TPM4: variants seen among roughly 807,000 people sequenced by gnomAD.
TPM4 encodes the protein tropomyosin alpha-4 chain.
A neutral mutation model predicts 35.8 loss-of-function variants in TPM4; 17 were observed. The observed-to-expected ratio is 0.47, with a 90% confidence interval of 0.32 to 0.71. The LOEUF is 0.71. TPM4 is among the 30% of genes least tolerant of loss of function. TPM4 has a pLI of 0.03. For missense variants in TPM4, 240 were observed against 320.9 expected, an observed-to-expected ratio of 0.75 and a Z score of 1.93; for synonymous variants, 120 against 122.9, an observed-to-expected ratio of 0.98 and a Z score of 0.15.
At chr19:16,091,826 C>G (rs2090630211) in intron 5 of TPM4, among the ~76,000 whole-genome samples, 1 of 152,142 alleles carries the variant, frequency 6.6e-6, no homozygotes, top group Non-Finnish European at 1.5e-5. Flanking sequence ...TTCTGTGACC[C>G]TTTCCTCCCC....
chr19:16,079,900 C>T (rs1316649527), intron 1 of TPM4: 3 of 175,792 alleles, frequency 1.7e-5, no homozygotes, highest in Middle Eastern at 2.1e-3. Flanking sequence ...TGCGGTTTCA[C>T]CATGTTGGCC....
At chr19:16,086,372 G>A (rs1244223350) in intron 2 of TPM4, 51 bp from the exon 3 acceptor site, 2 of 1,463,846 alleles carry the variant, frequency 1.4e-6, no homozygotes, top group African/African-American at 2.8e-5. Context: ...GATGAGAGGT[G>A]GGTGGAGGGG....
chr19:16,088,640 AT>A, intron 4 of TPM4: 1 of 1,029,938 alleles, frequency 9.7e-7, no homozygotes, highest in Non-Finnish European at 1.2e-6. Context: ...GGTTTCACAA[AT>A]CCACTCCGGG....
intron 5 of TPM4, chr19:16,093,106 T>C (rs1004229144): frequency 1.8e-5 from 3 of 170,824 alleles, no homozygotes; most frequent in Admixed American, 1.7e-4. Flanking sequence ...TCTCCCACCA[T>C]GGTCCCCCAA....
At chr19:16,093,179 T>G in intron 5 of TPM4, 1 of 196,958 alleles carries the variant, frequency 5.1e-6, no homozygotes, top group Non-Finnish European at 1.0e-5. Flanking sequence ...TTCTGTTTTT[T>G]TTTTGTTTTT....
chr19:16,088,659 C>T (rs2090588997), intron 4 of TPM4: 1 of 1,042,702 alleles, frequency 9.6e-7, no homozygotes, highest in African/African-American at 1.7e-5. Context: ...GGGCTTCCTT[C>T]CCGGAGTGTC....
rs1354428880 is a variant in TPM4 at position 16,102,174 on chromosome 19, A to G, written c.*828A>G. ...CCAGCCCAGCCAACATGGCGAAACCATGTCTCTACTAAAAATACAAAAATT... is the reference window on the plus strand; with the variant it reads ...CCAGCCCAGCCAACATGGCGAAACCGTGTCTCTACTAAAAATACAAAAATT... On this transcript the variant is annotated 3_prime_UTR_variant, in exon 8 of 8. Transcript: ENST00000643579. 1.1e-5 allele frequency: 2 copies of G among 187,162 alleles called. No individual in the cohort carries two copies. The highest frequency in any genetic ancestry group is 4.7e-5 in the African/African-American group (2 of 42,676). 11.6% of individuals were successfully genotyped at this position (187,162 alleles called of 1,614,324 possible). A position where few individuals can be genotyped will look rare whatever the true frequency, so the allele number is the denominator to read the frequency against.
At position 16,076,646 on chromosome 19, in the gene TPM4, C is replaced by A; in HGVS notation, c.81C>A (p.Arg27=). The change falls in exon 1 of 8, where the codon CGC becomes CGA. Residue 27 remains arginine (R), a synonymous_variant. Transcript: ENST00000643579. The part of the protein sequence containing the change: ...LQQQADEAED[R]AQGLQRELDG... ...AGCAGGCGGACGAGGCGGAAGACCG[C>A]GCGCAGGGCCTGCAGCGGGAGCTGG... 1 of 1,447,112 alleles carries A rather than the reference C, an allele frequency of 6.9e-7. No homozygotes were observed. 89.6% of individuals were successfully genotyped at this position (1,447,112 alleles called of 1,614,324 possible). A position where few individuals can be genotyped will look rare whatever the true frequency, so the allele number is the denominator to read the frequency against.
intron 7 of TPM4, among the ~76,000 whole-genome samples, chr19:16,099,364 G>A (rs761344942): frequency 2.3e-4 from 35 of 150,918 alleles, no homozygotes; most frequent in Non-Finnish European, 3.7e-4. Flanking sequence ...TTGGGAGGCC[G>A]AGGTGGGTGG....
At chr19:16,072,897 ACT>A (rs2090368070), upstream of TPM4, among the ~76,000 whole-genome samples, 1 of 152,194 alleles carries the variant, frequency 6.6e-6, no homozygotes, top group African/African-American at 2.4e-5. Flanking sequence ...ACAGAGCAAG[ACT>A]CTGTCTCAAA....
At chr19:16,081,314 C>T (rs901774877) in intron 1 of TPM4, 24 of 375,118 alleles carry the variant, frequency 6.4e-5, no homozygotes, top group African/African-American at 4.2e-4. Context: ...GCTGGAGAGA[C>T]CAGCACTGAC....
At chr19:16,073,772 C>T (rs61352933), upstream of TPM4, among the ~76,000 whole-genome samples, 1 of 151,830 alleles carries the variant, frequency 6.6e-6, no homozygotes, top group Non-Finnish European at 1.5e-5. Flanking sequence ...CCACCCCATC[C>T]TCCAGCTGAC....
upstream of TPM4, chr19:16,076,320 G>C: frequency 6.7e-7 from 1 of 1,503,126 alleles, no homozygotes; most frequent in Non-Finnish European, 8.8e-7. Flanking sequence ...CCCGAAAAGG[G>C]GCACTTTCCA....
chr19:16,073,202 C>A (rs1395146361), upstream of TPM4, among the ~76,000 whole-genome samples: 1 of 151,922 alleles, frequency 6.6e-6, no homozygotes, highest in Non-Finnish European at 1.5e-5. Context: ...AAAAACAAAA[C>A]AAAACACCCA....
At chr19:16,082,772 G>A (rs969028285) in intron 2 of TPM4, among the ~76,000 whole-genome samples, 8 of 151,994 alleles carry the variant, frequency 5.3e-5, no homozygotes, top group Admixed American at 2.0e-4. Context: ...CGGGCAAATC[G>A]CCTGAGCTCA....
At chr19:16,092,933 CA>C (rs2090646281) in intron 5 of TPM4, 1 of 157,334 alleles carries the variant, frequency 6.4e-6, no homozygotes, top group Non-Finnish European at 1.4e-5. Flanking sequence ...GAGCTCTCTG[CA>C]GCCTTGAATT....
Position 16,093,615 on chromosome 19 carries a change from C to G in TPM4, c.594+17C>G. 1 of 1,614,148 alleles carries G rather than the reference C, an allele frequency of 6.2e-7. No homozygotes were observed. The highest frequency in any genetic ancestry group is 8.5e-7 in the Non-Finnish European group (1 of 1,180,026). On this transcript the variant is annotated intron_variant, in intron 6 of 7. Coordinates refer to ENST00000643579, the MANE Select transcript of TPM4 (RefSeq NM_003290.3). ...CTGAAAGAGGTGAGTGTGGTGGCAC[C>G]CAGCGAGCTCTGGTTTCTCCTGGGG...
At chr19:16,079,088 CA>C (rs1024930736) in intron 1 of TPM4, among the ~76,000 whole-genome samples, 1 of 152,106 alleles carries the variant, frequency 6.6e-6, no homozygotes, top group Non-Finnish European at 1.5e-5. Flanking sequence ...AGCAGTTTTT[CA>C]AAAATACATA....
In TPM4 at chr19:16,070,933, T is replaced by C. The variant is rs1464040611; in HGVS notation, c.114+3195T>C. Among the ~76,000 whole-genome samples the C allele has an allele frequency of 2.6e-5, 4 of 152,264 alleles. No individual in the cohort carries two copies. Among genetic ancestry groups the C allele is most frequent in the African/African-American group, 7.2e-5 (3 of 41,470 alleles). Reference sequence around the variant, plus strand: ...TCATTTAGCCCTCACCATGAGGGACTTAGCCAGAGATTCGGAGAGAAACAA... The same window carrying C: ...TCATTTAGCCCTCACCATGAGGGACCTAGCCAGAGATTCGGAGAGAAACAA... On this transcript the variant is annotated intron_variant, in intron 2 of 2. Transcript: ENST00000589897. This position sits in a 1 kb window ranked among gnomAD's most constrained non-coding sequence, Gnocchi z 7.4.
Sources: allele counts gnomAD v4.1 joint callset (sites outside exome capture counted in the v4.1 genomes callset), GRCh38; gene constraint gnomAD v4.1.1; non-coding constraint Gnocchi (gnomAD v3.1); transcripts MANE v1.5; gene names NCBI Gene and HGNC (gene_info 2026-07-23, HGNC 2026-07-21).